Variants in CEP85L observed in about 807,000 individuals in gnomAD.
CEP85L encodes the protein centrosomal protein of 85 kDa-like.
CEP85L carries 60 observed loss-of-function variants against 100.3 expected under a neutral mutation model. The ratio of observed to expected loss-of-function variants is 0.60; its 90% CI spans 0.49 to 0.74. The LOEUF is 0.74. Ranked by LOEUF, CEP85L falls within the 30% of genes least tolerant of loss-of-function variation. The pLI is 0.00. For synonymous variants in CEP85L, 319 were observed against 322.7 expected (o/e 0.99, Z 0.12); for missense variants, 973 against 936.2 (o/e 1.04, Z -0.51).
At chr6:118,520,670 CCT>C (rs567133832) in intron 4 of CEP85L, among the ~76,000 whole-genome samples, 2 of 152,270 alleles carry the variant, frequency 1.3e-5, no homozygotes, top group South Asian at 4.2e-4. Flanking sequence ...CCTTAACCAA[CCT>C]CTCTGTATTC....
At chr6:118,612,278 G>T (rs2115233083) in intron 2 of CEP85L, among the ~76,000 whole-genome samples, 1 of 151,928 alleles carries the variant, frequency 6.6e-6, no homozygotes. Flanking sequence ...AAACCACACT[G>T]AACTAAAATG....
chr6:118,566,915 T>C (rs972136085), intron 2 of CEP85L, among the ~76,000 whole-genome samples: 10 of 152,060 alleles, frequency 6.6e-5, no homozygotes, highest in Non-Finnish European at 1.2e-4. Flanking sequence ...AATTAAAGTA[T>C]TGTACCTTTA....
chr6:118,514,862 C>CG (rs1776179348), intron 4 of CEP85L, among the ~76,000 whole-genome samples: 1 of 151,524 alleles, frequency 6.6e-6, no homozygotes, highest in South Asian at 2.1e-4. Context: ...TGGAAGGCAG[C>CG]GGTGTGATTA....
intron 3 of CEP85L, among the ~76,000 whole-genome samples, chr6:118,539,332 A>G (rs1285133628): frequency 3.9e-5 from 6 of 152,212 alleles, no homozygotes; most frequent in African/African-American, 1.2e-4. Context: ...ATTTAGTACA[A>G]TAACATTCTG....
At chr6:118,697,925 G>A (rs1194006628) in intron 1 of CEP85L, among the ~76,000 whole-genome samples, 1 of 152,154 alleles carries the variant, frequency 6.6e-6, no homozygotes, top group Non-Finnish European at 1.5e-5. Context: ...CACTGAAGAA[G>A]TTATAGCTTT....
chr6:118,549,088 A>C (rs773963779), intron 3 of CEP85L, among the ~76,000 whole-genome samples: 27 of 152,030 alleles, frequency 1.8e-4, no homozygotes, highest in Non-Finnish European at 3.2e-4. Context: ...AAATTTTAAA[A>C]CAATGTTCAC....
At chr6:118,697,212 C>T (rs984954199) in intron 1 of CEP85L, among the ~76,000 whole-genome samples, 2 of 152,270 alleles carry the variant, frequency 1.3e-5, no homozygotes, top group East Asian at 3.9e-4. Context: ...AGCTTGGACA[C>T]CTGTACAAAT....
intron 12 of CEP85L, among the ~76,000 whole-genome samples, chr6:118,467,048 G>GTGAA (rs1772577508): frequency 6.6e-6 from 1 of 152,110 alleles, no homozygotes; most frequent in African/African-American, 2.4e-5. Flanking sequence ...CAAGTGACAG[G>GTGAA]TGAATGGTGG....
chr6:118,531,701 C>T (rs1777302878), intron 3 of CEP85L, among the ~76,000 whole-genome samples: 1 of 152,012 alleles, frequency 6.6e-6, no homozygotes, highest in African/African-American at 2.4e-5. Context: ...AGGAAAAAGA[C>T]ATGAACAGAC....
intron 2 of CEP85L, among the ~76,000 whole-genome samples, chr6:118,608,261 C>A (rs982109113): frequency 6.6e-6 from 1 of 151,990 alleles, no homozygotes; most frequent in Non-Finnish European, 1.5e-5. Flanking sequence ...TTTAGGAGGC[C>A]GAGGCAGGCG....
At chr6:118,567,454 A>G (rs1458770493) in intron 2 of CEP85L, among the ~76,000 whole-genome samples, 1 of 152,002 alleles carries the variant, frequency 6.6e-6, no homozygotes, top group African/African-American at 2.4e-5. Flanking sequence ...TAGTTTTAGC[A>G]GACTAAATGA....
intron 2 of CEP85L, among the ~76,000 whole-genome samples, chr6:118,572,372 C>A (rs56689315): frequency 6.7e-6 from 1 of 149,406 alleles, no homozygotes; most frequent in African/African-American, 2.5e-5. Flanking sequence ...TGGCCAACAT[C>A]GTGAAACCCC....
chr6:118,462,425 A>G lies in CEP85L; in HGVS notation c.*2980T>C, dbSNP rs1772279702. The stretch of plus-strand genomic sequence containing the variant: ...CTTTGATTCAGTGAATTTTATCTGT[A>G]CAGGCAATTTGGGTCTTTCATTGAG... On this transcript the variant is annotated 3_prime_UTR_variant, in exon 13 of 13. Transcript: ENST00000368491. 6.6e-6 allele frequency: 1 copy of G among 152,156 alleles called. No homozygotes were observed. Among genetic ancestry groups the G allele is most frequent in the Non-Finnish European group, 1.5e-5 (1 of 67,898 alleles). The allele number at this position is 152,156 out of a possible 1,614,324, so 9.4% of individuals were successfully genotyped here.
At chr6:118,680,306 CTTTTTTTT>C (rs57764027) in intron 1 of CEP85L, among the ~76,000 whole-genome samples, 45 of 56,180 alleles carry the variant, frequency 8.0e-4, no homozygotes, top group African/African-American at 2.5e-3. Flanking sequence ...CTTGGTGTTG[CTTTTTTTT>C]TTTTTTTTTT....
chr6:118,614,861 CAGACAGATAGAT>C, intron 2 of CEP85L, among the ~76,000 whole-genome samples: 1 of 142,144 alleles, frequency 7.0e-6, no homozygotes, highest in African/African-American at 2.8e-5. Context: ...GACAGACAGA[CAGACAGATAGAT>C]AGATAGATAG....
intron 12 of CEP85L, among the ~76,000 whole-genome samples, chr6:118,468,781 T>C (rs1245028185): frequency 6.6e-6 from 1 of 152,218 alleles, no homozygotes; most frequent in South Asian, 2.1e-4. Flanking sequence ...GGAATCATTA[T>C]TTTTGGAAGA....
rs577807028 is a variant in CEP85L at position 118,497,518 on chromosome 6, G to T, written c.1258-5653C>A. Among the ~76,000 whole-genome samples, 8 of 152,198 alleles carry T rather than the reference G, an allele frequency of 5.3e-5. No homozygotes were observed. In the South Asian group the frequency reaches 1.7e-3, roughly 32 times the overall value. ...AAAATGTAATTATAATAGAAATGAG[G>T]TATACTATAAATGTTATGTGCTTGA... On this transcript the variant is annotated intron_variant, in intron 5 of 12. Coordinates refer to ENST00000368491, the MANE Select transcript of CEP85L (RefSeq NM_001042475.3).
At chr6:118,582,603 G>T (rs1340593447) in intron 2 of CEP85L, among the ~76,000 whole-genome samples, 3 of 152,202 alleles carry the variant, frequency 2.0e-5, no homozygotes, top group Non-Finnish European at 4.4e-5. Flanking sequence ...GAATGGAAAA[G>T]GAAGCACTTC....
At chr6:118,660,701 G>C (rs1775942740) in intron 1 of CEP85L, among the ~76,000 whole-genome samples, 1 of 152,144 alleles carries the variant, frequency 6.6e-6, no homozygotes, top group Non-Finnish European at 1.5e-5. Flanking sequence ...TGAGTCTTAA[G>C]ATGCTCCTTG....
Sources: allele counts gnomAD v4.1 joint callset (sites outside exome capture counted in the v4.1 genomes callset), GRCh38; gene constraint gnomAD v4.1.1; transcripts MANE v1.5; gene names NCBI Gene and HGNC (gene_info 2026-07-23, HGNC 2026-07-21).